The following SDAD1 variants were observed in gnomAD, a reference collection of about 807,000 sequenced individuals.
The protein encoded by SDAD1 is SDA1 domain containing 1.
A neutral mutation model predicts 100.3 loss-of-function variants in SDAD1; 79 were observed. The ratio of observed to expected loss-of-function variants is 0.79; its 90% CI spans 0.66 to 0.95. The LOEUF (loss-of-function observed/expected upper bound fraction) is 0.95. Among genes scored for constraint, SDAD1 ranks in the 40% least tolerant of loss-of-function variants. SDAD1 has a pLI of 0.00. For synonymous variants in SDAD1, 267 were observed against 271.4 expected (o/e 0.98, Z 0.16); for missense variants, 790 against 810.9 (o/e 0.97, Z 0.31).
Position 75,957,536 on chromosome 4 carries a change from T to C in SDAD1, c.1751A>G (p.Asp584Gly). ...KSQKRKYIEI[D>G]SDEEPRGELL... ...ATTTTACCTGGGCTCTTCATCACTG[T>C]CTATTTCAATGTATTTCCTCTTCTG... The change falls in exon 19 of 22, where the codon GAC becomes GGC. Residue 584 changes from aspartate (D) to glycine (G), a missense_variant. Physicochemically the swap from Asp to Gly is moderately conservative, Grantham distance 94. Coordinates refer to ENST00000356260, the MANE Select transcript of SDAD1 (RefSeq NM_018115.4). 1.9e-6 allele frequency: 3 copies of C among 1,614,210 alleles called. No individual in the cohort carries two copies. The highest frequency in any genetic ancestry group is 2.5e-6 in the Non-Finnish European group (3 of 1,180,044).
intron 3 of SDAD1, among the ~76,000 whole-genome samples, chr4:75,978,736 G>A (rs1730298586): frequency 6.6e-6 from 1 of 151,936 alleles, no homozygotes; most frequent in Non-Finnish European, 1.5e-5. Flanking sequence ...AGCACTTTGG[G>A]AGGCTGAGGT....
At chr4:75,951,084 C>T (rs1728607408) in intron 21 of SDAD1, among the ~76,000 whole-genome samples, 1 of 152,024 alleles carries the variant, frequency 6.6e-6, no homozygotes, top group South Asian at 2.1e-4. Context: ...TCCCTGTCTC[C>T]AGGGATAATA....
intron 1 of SDAD1, among the ~76,000 whole-genome samples, chr4:75,982,813 A>G (rs1730619332): frequency 6.8e-6 from 1 of 147,516 alleles, no homozygotes; most frequent in African/African-American, 2.5e-5. Context: ...TAAAAATTAT[A>G]CTTTTAAGTT....
At chr4:75,957,004 G>A (rs1466754186) in intron 20 of SDAD1, among the ~76,000 whole-genome samples, 1 of 152,204 alleles carries the variant, frequency 6.6e-6, no homozygotes. Context: ...CAGCTACTTA[G>A]GAGGCTGAAG....
In SDAD1 at chr4:75,950,368, C is replaced by T. The variant is rs1728564550; in HGVS notation, c.*382G>A. On this transcript the variant is annotated 3_prime_UTR_variant, in exon 22 of 22. Transcript: ENST00000356260. The stretch of plus-strand genomic sequence containing the variant: ...CCTCACAGAAATATGGAGTTAACCT[C>T]TACTACAGAACTATTTACACTGCAC... 1 of 169,126 alleles carries T rather than the reference C, an allele frequency of 5.9e-6. No homozygotes were observed. The highest frequency in any genetic ancestry group is 1.8e-4 in the South Asian group (1 of 5,686). 10.5% of individuals were successfully genotyped at this position (169,126 alleles called of 1,614,324 possible).
At chr4:75,990,599 G>T (rs34740469) in intron 1 of SDAD1, 153 bp downstream of exon 1, 1 of 1,538,840 alleles carries the variant, frequency 6.5e-7, no homozygotes. Flanking sequence ...GGCATGTCCC[G>T]TCCCCAACCC....
chr4:75,988,526 T>C (rs996445579), intron 1 of SDAD1, among the ~76,000 whole-genome samples: 1 of 152,208 alleles, frequency 6.6e-6, no homozygotes, highest in Non-Finnish European at 1.5e-5. Flanking sequence ...ACCCCCAACA[T>C]ACATAAGTAC....
intron 21 of SDAD1, among the ~76,000 whole-genome samples, chr4:75,953,894 T>C (rs1334049903): frequency 6.6e-6 from 1 of 152,174 alleles, no homozygotes; most frequent in African/African-American, 2.4e-5. Context: ...ATAAATGAGC[T>C]GCCTAAGTAG....
Position 75,969,326 on chromosome 4 carries a change from G to T in SDAD1, c.957C>A (p.Asn319Lys), listed in dbSNP as rs1729732080. Reference sequence around the variant, plus strand: ...GAATTCCCACCAATCTGGAGATAAGGTTCATGAGCATCATCTTCACTTCAA... The same window carrying T: ...GAATTCCCACCAATCTGGAGATAAGTTTCATGAGCATCATCTTCACTTCAA... ...ERFEVKMMLM[N>K]LISRLVGIHE... Residue 319 changes from asparagine (N) to lysine (K), a missense_variant, in exon 11 of 22, where the codon AAC becomes AAA. By Grantham distance (94) the Asn-to-Lys change is moderately conservative. Coordinates refer to ENST00000356260, the MANE Select transcript of SDAD1 (RefSeq NM_018115.4). The T allele has an allele frequency of 6.2e-7, 1 of 1,613,262 alleles. No homozygotes were observed. The highest frequency in any genetic ancestry group is 1.3e-5 in the African/African-American group (1 of 74,894).
rs1326780702 is a variant in SDAD1 at position 75,956,088 on chromosome 4, T to G, written c.1903A>C (p.Asn635His). 6.2e-7 allele frequency: 1 copy of G among 1,611,582 alleles called. No homozygotes were observed. Among genetic ancestry groups the G allele is most frequent in the East Asian group, 2.2e-5 (1 of 44,856 alleles). ...KEFVRKKTKT[N>H]PFSSSTNKEK... ...TTATTTGTCGAACTGGAAAATGGAT[T>G]TGTTTTGGTTTTCTTCCTCACAAAT... The change falls in exon 21 of 22, where the codon AAT becomes CAT. Residue 635 changes from asparagine (N) to histidine (H), a missense_variant. Transcript: ENST00000356260.
chr4:75,982,654 A>C (rs1389940452), intron 1 of SDAD1, among the ~76,000 whole-genome samples: 1 of 152,032 alleles, frequency 6.6e-6, no homozygotes, highest in Non-Finnish European at 1.5e-5. Flanking sequence ...CTCACAAAAT[A>C]AAAATAAAAA....
At chr4:75,979,058 G>A (rs189372363) in intron 3 of SDAD1, among the ~76,000 whole-genome samples, 1 of 147,342 alleles carries the variant, frequency 6.8e-6, no homozygotes, top group African/African-American at 2.5e-5. Flanking sequence ...CTGGCAAGGT[G>A]GTGACAATCT....
chr4:75,961,440 A>G (rs1729225134), intron 14 of SDAD1, 132 bp from the exon 15 acceptor site: 2 of 637,336 alleles, frequency 3.1e-6, no homozygotes, highest in Non-Finnish European at 5.4e-6. Context: ...GGTCTCCAAA[A>G]CTGCAGCATG....
chr4:75,980,255 G>A (rs1424483851), intron 3 of SDAD1, among the ~76,000 whole-genome samples: 1 of 152,050 alleles, frequency 6.6e-6, no homozygotes, highest in Non-Finnish European at 1.5e-5. Flanking sequence ...ACAACCCAGG[G>A]CCTGAAACCT....
In SDAD1 at chr4:75,966,267, TACACACAC is replaced by T. The variant is rs375225256; in HGVS notation, c.1046-453_1046-446del. 3.8e-3 allele frequency among the ~76,000 whole-genome samples: 523 copies of T among 139,270 alleles called. 2 individuals are homozygous for T. Among genetic ancestry groups the T allele is most frequent in the African/African-American group, 9.1e-3 (346 of 38,198 alleles). 91.4% of individuals were successfully genotyped at this position (139,270 alleles called of 152,430 possible). On this transcript the variant is annotated intron_variant, in intron 12 of 21. Transcript: ENST00000356260. ...AATAAATACTTGCTGAATGAATGCATACACACACACACACACACACACACACACACACA... is the reference window on the plus strand; with the variant it reads ...AATAAATACTTGCTGAATGAATGCATACACACACACACACACACACACACA...
At chr4:75,964,110 C>G (rs1284897141) in intron 14 of SDAD1, 25 bp downstream of exon 14, 1 of 1,498,908 alleles carries the variant, frequency 6.7e-7, no homozygotes, top group Non-Finnish European at 9.3e-7. Context: ...AATGTATCTT[C>G]TGCCTCCAAC....
intron 3 of SDAD1, among the ~76,000 whole-genome samples, chr4:75,979,007 A>AAAAAAAAAAAAAAAAC: frequency 7.1e-6 from 1 of 140,754 alleles, no homozygotes; most frequent in Non-Finnish European, 1.5e-5. Context: ...AAAAAAAAAA[A>AAAAAAAAAAAAAAAAC]AAAATTCAGG....
intron 13 of SDAD1, among the ~76,000 whole-genome samples, chr4:75,965,441 C>T (rs1729482540): frequency 6.6e-6 from 1 of 152,084 alleles, no homozygotes. Flanking sequence ...TATTTTATTA[C>T]CTTGTGAAGC....
chr4:75,957,995 A>G (rs1015733477), intron 17 of SDAD1, 54 bp from the exon 18 acceptor site: 2 of 1,423,848 alleles, frequency 1.4e-6, no homozygotes, highest in Admixed American at 1.7e-5. Flanking sequence ...CATTCAACAT[A>G]AAGTTGAGAT....
Sources: allele counts gnomAD v4.1 joint callset (sites outside exome capture counted in the v4.1 genomes callset), GRCh38; gene constraint gnomAD v4.1.1; transcripts MANE v1.5; gene names NCBI Gene and HGNC (gene_info 2026-07-23, HGNC 2026-07-21).